AFG2A: variants seen among roughly 807,000 people sequenced by gnomAD.
The protein encoded by AFG2A is AAA ATPase AFG2A, also known as ATPase family gene 2 protein homolog A.
chr4:123,316,084 G>C, the AFG2A span: 4 of 152,196 alleles, frequency 2.6e-5, no homozygotes, highest in South Asian at 8.3e-4. Flanking sequence ...CCAGCCTGTG[G>C]TGACATATAT....
the AFG2A span, among the ~76,000 whole-genome samples, chr4:123,089,701 C>T: frequency 0.11 from 16,115 of 151,990 alleles, 964 homozygotes; most frequent in Middle Eastern, 0.2. Flanking sequence ...TCTCATGCTG[C>T]GGCCTCCTGA....
At chr4:123,072,300 T>C in the AFG2A span, among the ~76,000 whole-genome samples, 3 of 152,190 alleles carry the variant, frequency 2.0e-5, no homozygotes, top group African/African-American at 7.2e-5. Flanking sequence ...GTCTGGGAAG[T>C]AGGTATTCAA....
At chr4:123,202,147 G>A in the AFG2A span, among the ~76,000 whole-genome samples, 1 of 152,142 alleles carries the variant, frequency 6.6e-6, no homozygotes, top group Admixed American at 6.5e-5. Context: ...GGTTTATGCT[G>A]GGGTTAATAT....
chr4:123,124,208 G>A, the AFG2A span, among the ~76,000 whole-genome samples: 1,681 of 152,128 alleles, frequency 0.011, 34 homozygotes, highest in South Asian at 0.094. Context: ...TTGCAGCACT[G>A]TTCACAATAG....
At chr4:123,056,765 T>C in the AFG2A span, among the ~76,000 whole-genome samples, 2 of 152,206 alleles carry the variant, frequency 1.3e-5, no homozygotes, top group African/African-American at 2.4e-5. Context: ...GAGCTCTTAC[T>C]GTTTCAGGCA....
chr4:122,999,134 C>T, the AFG2A span, among the ~76,000 whole-genome samples: 394 of 97,790 alleles, frequency 4.0e-3, 3 homozygotes, highest in Middle Eastern at 0.013. Flanking sequence ...CTGTTCATAT[C>T]CTTTGCCCAC....
chr4:123,124,452 C>G, the AFG2A span, among the ~76,000 whole-genome samples: 2 of 152,066 alleles, frequency 1.3e-5, no homozygotes, highest in Non-Finnish European at 2.9e-5. Context: ...AACACTTGAA[C>G]ACAGGAAGGG....
the AFG2A span, among the ~76,000 whole-genome samples, chr4:123,044,263 G>T: frequency 1.3e-5 from 2 of 152,122 alleles, no homozygotes; most frequent in African/African-American, 4.8e-5. Flanking sequence ...GGTGGCTCTG[G>T]TGGTGGGTAT....
At chr4:123,183,972 T>TCA in the AFG2A span, among the ~76,000 whole-genome samples, 1 of 151,668 alleles carries the variant, frequency 6.6e-6, no homozygotes, top group Non-Finnish European at 1.5e-5. Context: ...ATTCATTCAT[T>TCA]TATGGTAGAG....
the AFG2A span, among the ~76,000 whole-genome samples, chr4:122,925,328 T>G: frequency 9.9e-5 from 15 of 152,220 alleles, no homozygotes; most frequent in Non-Finnish European, 1.9e-4. Flanking sequence ...CCCTTATTCC[T>G]TTTCCATTCT....
At chr4:122,949,624 C>G in the AFG2A span, among the ~76,000 whole-genome samples, 1 of 152,126 alleles carries the variant, frequency 6.6e-6, no homozygotes, top group East Asian at 1.9e-4. Flanking sequence ...CAAGAAAGGA[C>G]AAGTCCTGGC....
chr4:123,090,734 A>G, the AFG2A span: 21 of 1,595,158 alleles, frequency 1.3e-5, no homozygotes, highest in Admixed American at 3.7e-4. Context: ...TGGATATTAT[A>G]AAATCAAGAA....
the AFG2A span, among the ~76,000 whole-genome samples, chr4:123,029,340 G>T: frequency 2.0e-5 from 3 of 152,108 alleles, no homozygotes; most frequent in Non-Finnish European, 4.4e-5. Context: ...CCAAAGTGCT[G>T]GGATTACAGG....
the AFG2A span, among the ~76,000 whole-genome samples, chr4:123,163,771 C>T: frequency 2.6e-5 from 4 of 152,174 alleles, no homozygotes; most frequent in African/African-American, 9.7e-5. Context: ...TGAAAGGAAA[C>T]TTCTGAGTTT....
At chr4:123,000,414 C>A in the AFG2A span, among the ~76,000 whole-genome samples, 1 of 151,934 alleles carries the variant, frequency 6.6e-6, no homozygotes, top group South Asian at 2.1e-4. Context: ...CAGTTTTTGT[C>A]CATTCAGTAT....
At chr4:123,022,657 C>A in the AFG2A span, among the ~76,000 whole-genome samples, 2 of 149,602 alleles carry the variant, frequency 1.3e-5, no homozygotes, top group East Asian at 4.0e-4. Flanking sequence ...ACTAGAAATA[C>A]CATTTGACCC....
chr4:123,309,174 T>G, the AFG2A span, among the ~76,000 whole-genome samples: 1 of 152,014 alleles, frequency 6.6e-6, no homozygotes, highest in African/African-American at 2.4e-5. Context: ...AGGGGAAGAG[T>G]TCTATGGGAA....
chr4:123,022,142 C>T, the AFG2A span, among the ~76,000 whole-genome samples: 1 of 152,030 alleles, frequency 6.6e-6, no homozygotes, highest in African/African-American at 2.4e-5. Context: ...GACTTCATGT[C>T]TAAAACACCG....
chr4:123,188,248 A>ACTT, the AFG2A span, among the ~76,000 whole-genome samples: 1 of 152,018 alleles, frequency 6.6e-6, no homozygotes, highest in African/African-American at 2.4e-5. Context: ...TTCTGTAAGA[A>ACTT]CTTCCTATTT....
Sources: allele counts gnomAD v4.1 joint callset (sites outside exome capture counted in the v4.1 genomes callset), GRCh38; gene constraint gnomAD v4.1.1; transcripts MANE v1.5; gene names NCBI Gene and HGNC (gene_info 2026-07-23, HGNC 2026-07-21).